Variants in HMBOX1 observed in about 807,000 individuals in gnomAD.
HMBOX1 encodes the protein homeobox containing 1.
Under a neutral mutation model 54.5 loss-of-function variants are expected in HMBOX1, and 14 were observed. That is an observed-to-expected ratio of 0.26 (90% CI 0.17 to 0.40). The LOEUF (loss-of-function observed/expected upper bound fraction) is 0.40. Ranked by LOEUF, HMBOX1 falls within the 10% of genes least tolerant of loss-of-function variation. HMBOX1 has a pLI of 1.00. For synonymous variants in HMBOX1, 160 were observed against 181.0 expected (o/e 0.88, Z 0.93); for missense variants, 332 against 514.4 (o/e 0.65, Z 3.43).
intron 1 of HMBOX1, among the ~76,000 whole-genome samples, chr8:28,933,638 G>A (rs542296788): frequency 3.9e-5 from 6 of 152,238 alleles, no homozygotes; most frequent in Admixed American, 1.3e-4. Context: ...ATCTACAAAC[G>A]TTGGAAGAAT....
At chr8:28,971,509 C>T (rs549917712) in intron 3 of HMBOX1, among the ~76,000 whole-genome samples, 220 of 152,204 alleles carry the variant, frequency 1.4e-3, no homozygotes, top group Non-Finnish European at 2.6e-3. Flanking sequence ...TGGAACTTTC[C>T]CTAGCACATG....
intron 1 of HMBOX1, among the ~76,000 whole-genome samples, chr8:28,917,667 GATAT>G (rs1345320703): frequency 6.6e-6 from 1 of 152,016 alleles, no homozygotes; most frequent in Non-Finnish European, 1.5e-5. Flanking sequence ...TATTAAATAT[GATAT>G]ATTTAGGGTT....
At chr8:28,967,377 G>T (rs1236790446) in intron 2 of HMBOX1, among the ~76,000 whole-genome samples, 1 of 152,166 alleles carries the variant, frequency 6.6e-6, no homozygotes, top group Non-Finnish European at 1.5e-5. Flanking sequence ...ATATTAGATT[G>T]TTTCATATGC....
At chr8:29,011,409 G>A (rs1185878786) in intron 5 of HMBOX1, among the ~76,000 whole-genome samples, 1 of 152,196 alleles carries the variant, frequency 6.6e-6, no homozygotes, top group African/African-American at 2.4e-5. Flanking sequence ...CTTTGCCCCT[G>A]GATGAATATC....
chr8:28,911,310 T>G (rs1026935264), intron 1 of HMBOX1, among the ~76,000 whole-genome samples: 3 of 152,204 alleles, frequency 2.0e-5, no homozygotes, highest in Non-Finnish European at 2.9e-5. Flanking sequence ...TGCAGTCTGA[T>G]TAGGACAGCA....
rs548035788 is a variant in HMBOX1 at position 29,034,369 on chromosome 8, CCTT to C, written c.852-10988_852-10986del. On this transcript the variant is annotated intron_variant, in intron 6 of 9. Transcript: ENST00000287701. ...AGGCCAGATTAAGCTATGTTTCTGT[CCTT>C]CTTGACATTATTATGTAATTGTCAT... 3.0e-3 allele frequency among the ~76,000 whole-genome samples: 464 copies of C among 152,270 alleles called. 1 individual carries two copies. The highest frequency in any genetic ancestry group is 0.011 in the African/African-American group (440 of 41,540).
chr8:29,012,770 A>G (rs914718116), intron 5 of HMBOX1, among the ~76,000 whole-genome samples: 1 of 152,248 alleles, frequency 6.6e-6, no homozygotes, highest in Non-Finnish European at 1.5e-5. Context: ...AAAGAAATCA[A>G]TCTGCCTTGT....
At chr8:28,908,765 T>TA (rs1006949625) in intron 1 of HMBOX1, among the ~76,000 whole-genome samples, 19 of 150,840 alleles carry the variant, frequency 1.3e-4, no homozygotes, top group African/African-American at 2.4e-4. Flanking sequence ...GACTCTGTCT[T>TA]AAAAAAAAAC....
intron 1 of HMBOX1, among the ~76,000 whole-genome samples, chr8:28,919,227 C>T (rs1817122385): frequency 6.6e-6 from 1 of 152,202 alleles, no homozygotes; most frequent in African/African-American, 2.4e-5. Flanking sequence ...ATGTTCAAGT[C>T]CCTTAGATGG....
intron 1 of HMBOX1, among the ~76,000 whole-genome samples, chr8:28,896,365 A>G (rs1339618321): frequency 6.6e-6 from 1 of 152,248 alleles, no homozygotes; most frequent in Non-Finnish European, 1.5e-5. Context: ...GTATAGTTCT[A>G]TGCCATTTTA....
At chr8:28,921,088 A>C (rs187973950) in intron 1 of HMBOX1, among the ~76,000 whole-genome samples, 28 of 152,340 alleles carry the variant, frequency 1.8e-4, no homozygotes, top group African/African-American at 6.5e-4. Flanking sequence ...TAATCCCAGC[A>C]CTTTGGGAGG....
At chr8:28,984,454 A>G (rs1414717117) in intron 4 of HMBOX1, among the ~76,000 whole-genome samples, 1 of 152,216 alleles carries the variant, frequency 6.6e-6, no homozygotes, top group Non-Finnish European at 1.5e-5. Flanking sequence ...GATTCAGAGG[A>G]TTTCTATTAT....
At chr8:28,926,163 A>T (rs1002015024) in intron 1 of HMBOX1, among the ~76,000 whole-genome samples, 3 of 152,076 alleles carry the variant, frequency 2.0e-5, no homozygotes, top group Admixed American at 2.0e-4. Context: ...CTAGCCGGGC[A>T]TGGTGGCGTA....
chr8:28,906,947 A>G (rs1399761194), intron 1 of HMBOX1, among the ~76,000 whole-genome samples: 1 of 152,202 alleles, frequency 6.6e-6, no homozygotes, highest in African/African-American at 2.4e-5. Flanking sequence ...AGTGATCAAG[A>G]TGGTAAATTG....
At chr8:28,942,661 C>T (rs1170321518) in intron 1 of HMBOX1, among the ~76,000 whole-genome samples, 1 of 152,152 alleles carries the variant, frequency 6.6e-6, no homozygotes, top group Non-Finnish European at 1.5e-5. Flanking sequence ...TTGTTCTTTT[C>T]TCTCGGAGTC....
chr8:28,984,412 T>C (rs1829880467), intron 4 of HMBOX1, among the ~76,000 whole-genome samples: 1 of 152,210 alleles, frequency 6.6e-6, no homozygotes, highest in Non-Finnish European at 1.5e-5. Flanking sequence ...ATGTGCTTGT[T>C]CCAGAAACAA....
At chr8:28,903,349 A>C (rs1813618204) in intron 1 of HMBOX1, among the ~76,000 whole-genome samples, 1 of 152,230 alleles carries the variant, frequency 6.6e-6, no homozygotes, top group East Asian at 1.9e-4. Flanking sequence ...CTTGGTGAGT[A>C]ATTTTAGTAG....
chr8:29,008,337 A>G (rs1271824336), intron 4 of HMBOX1, among the ~76,000 whole-genome samples: 2 of 152,198 alleles, frequency 1.3e-5, no homozygotes, highest in African/African-American at 4.8e-5. Flanking sequence ...GATTCTTTAC[A>G]TTTCTAAGTA....
chr8:28,901,289 AGCT>A lies in HMBOX1; in HGVS notation c.-58+10614_-58+10616del, dbSNP rs944051261. ...TCTGAGTTTTCCTTTTTTAGCTCTT[AGCT>A]GCATTTGATGTAATATTTCCCCTTA... On this transcript the variant is annotated intron_variant, in intron 1 of 9. Transcript: ENST00000287701. Among the ~76,000 whole-genome samples the A allele has an allele frequency of 1.4e-4, 22 of 151,876 alleles. 1 individual carries two copies. The highest frequency in any genetic ancestry group is 1.2e-3 in the Admixed American group (18 of 15,256).
Sources: allele counts gnomAD v4.1 joint callset (sites outside exome capture counted in the v4.1 genomes callset), GRCh38; gene constraint gnomAD v4.1.1; transcripts MANE v1.5; gene names NCBI Gene and HGNC (gene_info 2026-07-23, HGNC 2026-07-21).